Variants in ASTN2 observed in about 807,000 individuals in gnomAD.
ASTN2 encodes astrotactin-2.
Under a neutral mutation model 139.8 loss-of-function variants are expected in ASTN2, and 54 were observed. The ratio of observed to expected loss-of-function variants is 0.39; its 90% CI spans 0.31 to 0.48. ASTN2 has a LOEUF of 0.48. Among genes scored for constraint, ASTN2 ranks in the 20% least tolerant of loss-of-function variants. The pLI, the probability that ASTN2 is intolerant of heterozygous loss-of-function variation, is 0.95. For synonymous variants in ASTN2, 756 were observed against 719.5 expected, an observed-to-expected ratio of 1.05 and a Z score of -0.81; for missense variants, 1,565 against 1,725.1, an observed-to-expected ratio of 0.91 and a Z score of 1.64.
chr9:116,998,134 G>A lies in ASTN2; in HGVS notation c.1591+9958C>T, dbSNP rs556655175. Reference sequence around the variant, plus strand: ...GCCTGAATAACAAAGTATCATGTTCGTTAATCGATAATAAGTTCAGATGAC... The same window carrying A: ...GCCTGAATAACAAAGTATCATGTTCATTAATCGATAATAAGTTCAGATGAC... On this transcript the variant is annotated intron_variant, in intron 7 of 22. Coordinates refer to ENST00000313400, the MANE Select transcript of ASTN2 (RefSeq NM_001365068.1). Among the ~76,000 whole-genome samples the A allele has an allele frequency of 1.1e-3, 165 of 152,186 alleles. 1 individual carries two copies. Among genetic ancestry groups the A allele is most frequent in the African/African-American group, 3.6e-3 (149 of 41,516 alleles).
At chr9:116,742,718 G>A (rs1829126775) in intron 13 of ASTN2, among the ~76,000 whole-genome samples, 1 of 152,104 alleles carries the variant, frequency 6.6e-6, no homozygotes, top group African/African-American at 2.4e-5. Context: ...ACAGGGTAAA[G>A]GGGATAAAAC....
chr9:116,803,522 ATTTT>A (rs1158429877), intron 13 of ASTN2, among the ~76,000 whole-genome samples: 143 of 20,592 alleles, frequency 6.9e-3, no homozygotes, highest in African/African-American at 0.029. Flanking sequence ...ATATATATAT[ATTTT>A]TTTTTTTTTT....
intron 22 of ASTN2, among the ~76,000 whole-genome samples, chr9:116,427,921 G>C (rs934647415): frequency 1.3e-5 from 2 of 152,288 alleles, no homozygotes; most frequent in Admixed American, 6.5e-5. Context: ...TGTGTCCTGG[G>C]GACATTTACT....
At chr9:117,074,656 T>A (rs998177473) in intron 5 of ASTN2, among the ~76,000 whole-genome samples, 1 of 152,152 alleles carries the variant, frequency 6.6e-6, no homozygotes, top group Non-Finnish European at 1.5e-5. Flanking sequence ...TGGCTGCAGC[T>A]ACAGGGACCA....
intron 1 of ASTN2, among the ~76,000 whole-genome samples, chr9:117,348,628 T>C (rs1393428642): frequency 6.6e-6 from 1 of 152,174 alleles, no homozygotes; most frequent in Non-Finnish European, 1.5e-5. Context: ...TGGGTGTGGG[T>C]AGTCATTTGT....
intron 5 of ASTN2, among the ~76,000 whole-genome samples, chr9:117,080,889 A>G (rs1423622470): frequency 1.3e-5 from 2 of 152,190 alleles, no homozygotes; most frequent in Non-Finnish European, 2.9e-5. Context: ...TTAAATGAAT[A>G]AAAGCATAAA....
intron 19 of ASTN2, among the ~76,000 whole-genome samples, chr9:116,599,223 C>T (rs929668221): frequency 9.2e-5 from 14 of 152,178 alleles, no homozygotes; most frequent in Admixed American, 3.3e-4. Flanking sequence ...GTTGCCAGAA[C>T]TCACTATTTT....
At chr9:117,011,839 GA>G (rs1837547455) in intron 6 of ASTN2, among the ~76,000 whole-genome samples, 1 of 152,166 alleles carries the variant, frequency 6.6e-6, no homozygotes, top group Non-Finnish European at 1.5e-5. Context: ...TTCAGCCTTC[GA>G]AGCTGGAACA....
intron 2 of ASTN2, among the ~76,000 whole-genome samples, chr9:117,225,749 C>T (rs992183169): frequency 1.3e-5 from 2 of 151,206 alleles, no homozygotes; most frequent in African/African-American, 4.9e-5. Context: ...TTTCACAGCT[C>T]TAATACAGGA....
chr9:116,710,733 C>CAAAAAAAAAAAAAAAA (rs57745448), intron 16 of ASTN2, among the ~76,000 whole-genome samples: 5 of 72,582 alleles, frequency 6.9e-5, no homozygotes, highest in East Asian at 4.3e-4. Flanking sequence ...AACTCCGTCT[C>CAAAAAAAAAAAAAAAA]AAAAAAAAAA....
At chr9:117,102,119 G>C (rs891082716) in intron 4 of ASTN2, among the ~76,000 whole-genome samples, 1 of 152,096 alleles carries the variant, frequency 6.6e-6, no homozygotes, top group African/African-American at 2.4e-5. Context: ...ACAAGTCAAA[G>C]GGTACAAACG....
intron 16 of ASTN2, among the ~76,000 whole-genome samples, chr9:116,683,140 G>A (rs1859992471): frequency 6.6e-6 from 1 of 151,838 alleles, no homozygotes; most frequent in Non-Finnish European, 1.5e-5. Flanking sequence ...CTCTTTAACG[G>A]ATGGTTTTAT....
At chr9:117,408,925 G>T (rs1371886711) in intron 1 of ASTN2, among the ~76,000 whole-genome samples, 1 of 152,114 alleles carries the variant, frequency 6.6e-6, no homozygotes, top group East Asian at 1.9e-4. Context: ...TATGGAGTGA[G>T]GGAAGTGAGT....
At chr9:117,165,186 C>T (rs2132911318) in intron 3 of ASTN2, among the ~76,000 whole-genome samples, 2 of 152,128 alleles carry the variant, frequency 1.3e-5, no homozygotes, top group South Asian at 4.2e-4. Flanking sequence ...CATCCCTCTC[C>T]CGCCATTTGC....
chr9:116,964,909 T>C (rs944320), intron 10 of ASTN2, among the ~76,000 whole-genome samples: 149,735 of 152,348 alleles, frequency 0.98, 73,640 homozygotes, highest in East Asian at 1. Context: ...TCATCCTCAG[T>C]ATCTCCATTC....
intron 19 of ASTN2, among the ~76,000 whole-genome samples, chr9:116,495,042 G>A (rs1371199247): frequency 1.3e-5 from 2 of 152,182 alleles, no homozygotes; most frequent in Non-Finnish European, 2.9e-5. Context: ...TCTTGGGATA[G>A]CCAGGCTGCC....
At chr9:116,548,131 C>A (rs538101196) in intron 19 of ASTN2, among the ~76,000 whole-genome samples, 1 of 152,138 alleles carries the variant, frequency 6.6e-6, no homozygotes, top group Non-Finnish European at 1.5e-5. Context: ...GAGCCAGGAG[C>A]GATTCCCGTA....
chr9:116,986,576 C>T (rs963691249), intron 7 of ASTN2, among the ~76,000 whole-genome samples: 2 of 152,288 alleles, frequency 1.3e-5, no homozygotes, highest in South Asian at 4.1e-4. Flanking sequence ...TAAGAGAAAA[C>T]CCAGAGGGAT....
intron 1 of ASTN2, among the ~76,000 whole-genome samples, chr9:117,366,142 T>C (rs530676963): frequency 1.3e-5 from 2 of 152,280 alleles, no homozygotes; most frequent in East Asian, 1.9e-4. Context: ...TGTGTGTTTA[T>C]TGAATAAATA....
Sources: allele counts gnomAD v4.1 joint callset (sites outside exome capture counted in the v4.1 genomes callset), GRCh38; gene constraint gnomAD v4.1.1; transcripts MANE v1.5; gene names NCBI Gene and HGNC (gene_info 2026-07-23, HGNC 2026-07-21).